The following PPP2R2B variants were observed in gnomAD, a reference collection of about 807,000 sequenced individuals.
The protein encoded by PPP2R2B is protein phosphatase 2 regulatory subunit Bbeta.
A neutral mutation model predicts 46.0 loss-of-function variants in PPP2R2B; 5 were observed. The ratio of observed to expected loss-of-function variants is 0.11; its 90% CI spans 0.06 to 0.23. The LOEUF is 0.23. Ranked by LOEUF, PPP2R2B falls within the 10% of genes least tolerant of loss-of-function variation. The probability of loss-of-function intolerance (pLI) is 1.00; values close to 1 mark genes in which losing one functional copy is unlikely to be tolerated. For missense variants in PPP2R2B, 367 were observed against 575.0 expected, an observed-to-expected ratio of 0.64 and a Z score of 3.70; for synonymous variants, 215 against 206.7, an observed-to-expected ratio of 1.04 and a Z score of -0.34.
intron 8 of PPP2R2B, among the ~76,000 whole-genome samples, chr5:146,593,944 C>T (rs1399919702): frequency 6.6e-6 from 1 of 152,100 alleles, no homozygotes; most frequent in Non-Finnish European, 1.5e-5. Flanking sequence ...CTGGCCTGGA[C>T]CAGGGCATGA....
intron 2 of PPP2R2B, among the ~76,000 whole-genome samples, chr5:146,877,342 G>A (rs759139890): frequency 1.8e-4 from 27 of 152,166 alleles, no homozygotes; most frequent in Non-Finnish European, 3.5e-4. Flanking sequence ...AGAAACTACT[G>A]CTGCAGAATT....
intron 3 of PPP2R2B, among the ~76,000 whole-genome samples, chr5:146,700,000 C>A (rs1427226176): frequency 6.6e-6 from 1 of 152,126 alleles, no homozygotes; most frequent in Non-Finnish European, 1.5e-5. Flanking sequence ...TAATGCTGAA[C>A]ACTTGAATTT....
intron 1 of PPP2R2B, among the ~76,000 whole-genome samples, chr5:146,933,658 G>A (rs1050903469): frequency 6.6e-6 from 1 of 150,706 alleles, no homozygotes; most frequent in Non-Finnish European, 1.5e-5. Flanking sequence ...ACAAACGGAA[G>A]TTCTTTTTTT....
chr5:147,008,327 T>A (rs533964241), intron 1 of PPP2R2B, among the ~76,000 whole-genome samples: 1 of 152,280 alleles, frequency 6.6e-6, no homozygotes, highest in South Asian at 2.1e-4. Context: ...AACACAGGCT[T>A]ATGAAGGTCT....
chr5:146,959,787 G>A (rs1752088574), intron 1 of PPP2R2B, among the ~76,000 whole-genome samples: 1 of 152,168 alleles, frequency 6.6e-6, no homozygotes, highest in South Asian at 2.1e-4. Context: ...TGATGGGTCT[G>A]TGCAAGGCTT....
At position 146,878,722 on chromosome 5, in the gene PPP2R2B, C is replaced by A; in HGVS notation, c.-256G>T. ...TCACCCTCACACCCACACGCGCGCA[C>A]TCGCAGCTGCTGCTGCTGCTGCTGC... On this transcript the variant is annotated 5_prime_UTR_variant, in exon 1 of 10. Coordinates refer to ENST00000394411, the MANE Select transcript of PPP2R2B (RefSeq NM_181675.4). This position sits in a 1 kb window ranked among gnomAD's most constrained non-coding sequence, Gnocchi z 4.5. 2.6e-6 allele frequency: 2 copies of A among 774,010 alleles called. No individual in the cohort carries two copies. The highest frequency in any genetic ancestry group is 3.2e-6 in the Non-Finnish European group (2 of 621,480). The allele number at this position is 774,010 out of a possible 1,614,324, so 47.9% of individuals were successfully genotyped here.
chr5:146,823,208 T>C (rs1159649382), intron 2 of PPP2R2B, among the ~76,000 whole-genome samples: 1 of 151,880 alleles, frequency 6.6e-6, no homozygotes, highest in African/African-American at 2.4e-5. Context: ...CTTCTTCTTC[T>C]TTTTTTTGAG....
chr5:146,993,768 T>C (rs1030839568), intron 1 of PPP2R2B, among the ~76,000 whole-genome samples: 2 of 152,076 alleles, frequency 1.3e-5, no homozygotes, highest in African/African-American at 4.8e-5. Flanking sequence ...ATAACTGTCA[T>C]CATTGTCATT....
chr5:146,714,973 G>T (rs1279454430), intron 2 of PPP2R2B, among the ~76,000 whole-genome samples: 4 of 152,106 alleles, frequency 2.6e-5, no homozygotes, highest in African/African-American at 9.7e-5. Context: ...CAGGCAGAAG[G>T]CTGCTAACTC....
chr5:146,941,834 A>T (rs886805850), intron 1 of PPP2R2B, among the ~76,000 whole-genome samples: 1 of 152,218 alleles, frequency 6.6e-6, no homozygotes, highest in Admixed American at 6.5e-5. Context: ...GGTGTCTTAA[A>T]TGACAGGCAT....
Position 147,028,267 on chromosome 5 carries a change from C to A in PPP2R2B, c.79+27398G>T, listed in dbSNP as rs144971841. Among the ~76,000 whole-genome samples the A allele has an allele frequency of 4.0e-3, 604 of 152,208 alleles. 4 individuals are homozygous for A. The highest frequency in any genetic ancestry group is 0.012 in the African/African-American group (486 of 41,520). On this transcript the variant is annotated intron_variant, in intron 1 of 8. Transcript: ENST00000336640. ...TTCTCCCTTCTTGATCCTGCAGGACCAAGGCTAATAATAATTTAGCCCCTG... is the reference window on the plus strand; with the variant it reads ...TTCTCCCTTCTTGATCCTGCAGGACAAAGGCTAATAATAATTTAGCCCCTG...
intron 1 of PPP2R2B, among the ~76,000 whole-genome samples, chr5:146,894,801 A>C (rs144896396): frequency 6.6e-6 from 1 of 151,782 alleles, no homozygotes; most frequent in East Asian, 1.9e-4. Context: ...TCTCCTCCTC[A>C]CTCTGCTAAT....
intron 2 of PPP2R2B, among the ~76,000 whole-genome samples, chr5:146,801,800 G>T (rs1291381703): frequency 6.6e-6 from 1 of 152,120 alleles, no homozygotes; most frequent in Non-Finnish European, 1.5e-5. Context: ...ATAAATGCTG[G>T]CTATTATCAT....
chr5:146,633,449 G>A (rs1242116406), intron 7 of PPP2R2B, among the ~76,000 whole-genome samples: 1 of 152,238 alleles, frequency 6.6e-6, no homozygotes, highest in Non-Finnish European at 1.5e-5. Flanking sequence ...TCAGGCGAGG[G>A]GTCAGATTGA....
intron 2 of PPP2R2B, among the ~76,000 whole-genome samples, chr5:146,840,641 C>T (rs908216512): frequency 3.9e-5 from 6 of 152,304 alleles, no homozygotes; most frequent in African/African-American, 1.2e-4. Flanking sequence ...AAATCAGACT[C>T]AGATACTGCC....
intron 1 of PPP2R2B, among the ~76,000 whole-genome samples, chr5:147,008,104 A>G (rs1185101575): frequency 6.6e-6 from 1 of 152,224 alleles, no homozygotes. Flanking sequence ...GAGGCCAAGG[A>G]TCACTCCCAT....
intron 2 of PPP2R2B, among the ~76,000 whole-genome samples, chr5:146,850,037 C>T (rs1196420200): frequency 6.6e-6 from 1 of 152,110 alleles, no homozygotes; most frequent in Non-Finnish European, 1.5e-5. Context: ...TAAAGTGATG[C>T]ATCAGCTGGA....
chr5:146,911,905 C>T (rs1005858928), intron 1 of PPP2R2B, among the ~76,000 whole-genome samples: 1 of 152,162 alleles, frequency 6.6e-6, no homozygotes, highest in Admixed American at 6.5e-5. Context: ...GAATCACATG[C>T]ACAAAGCTCT....
chr5:146,954,577 G>A (rs1038433387), intron 1 of PPP2R2B, among the ~76,000 whole-genome samples: 1 of 151,760 alleles, frequency 6.6e-6, no homozygotes, highest in South Asian at 2.1e-4. Flanking sequence ...TTGGGTGATG[G>A]GTGCACCAAA....
Sources: allele counts gnomAD v4.1 joint callset (sites outside exome capture counted in the v4.1 genomes callset), GRCh38; gene constraint gnomAD v4.1.1; non-coding constraint Gnocchi (gnomAD v3.1); transcripts MANE v1.5; gene names NCBI Gene and HGNC (gene_info 2026-07-23, HGNC 2026-07-21).